CPA3: variants seen among roughly 807,000 people sequenced by gnomAD.
CPA3 encodes carboxypeptidase A3.
Under a neutral mutation model 55.8 loss-of-function variants are expected in CPA3, and 52 were observed. The observed-to-expected ratio is 0.93, with a 90% CI of 0.75 to 1.17. The LOEUF (loss-of-function observed/expected upper bound fraction) is 1.17. Ranked by LOEUF, CPA3 falls within the 50% of genes most tolerant of loss-of-function variation. The probability of loss-of-function intolerance (pLI) is 0.00; values close to 1 mark genes in which losing one functional copy is unlikely to be tolerated. For synonymous variants in CPA3, 179 were observed against 171.2 expected, an observed-to-expected ratio of 1.05 and a Z score of -0.36; for missense variants, 547 against 509.1, an observed-to-expected ratio of 1.07 and a Z score of -0.72.
At chr3:148,871,163 A>T (rs1055086208) in intron 3 of CPA3, among the ~76,000 whole-genome samples, 3 of 152,076 alleles carry the variant, frequency 2.0e-5, no homozygotes, top group Admixed American at 6.6e-5. Flanking sequence ...TAGCCACCGC[A>T]CCAGGCCTAC....
Position 148,872,145 on chromosome 3 carries a change from C to T in CPA3, c.269+3106C>T, listed in dbSNP as rs577452264. On this transcript the variant is annotated intron_variant, in intron 3 of 10. Transcript: ENST00000296046. Reference sequence around the variant, plus strand: ...CCAGATTTTATTTTAAAGTAGCATACTTGTTTCTTTTTTTACTTATTTACA... The same window carrying T: ...CCAGATTTTATTTTAAAGTAGCATATTTGTTTCTTTTTTTACTTATTTACA... Among the ~76,000 whole-genome samples the T allele has an allele frequency of 1.4e-4, 21 of 152,184 alleles. No homozygotes were observed. In the South Asian group the frequency reaches 2.9e-3, roughly 21 times the overall value.
chr3:148,878,573 TAA>T (rs775116134), intron 4 of CPA3, 30 bp downstream of exon 4: 6 of 1,566,774 alleles, frequency 3.8e-6, no homozygotes, highest in African/African-American at 1.4e-5. Context: ...TACTTTTTTT[TAA>T]GTTACCCTTA....
rs546315407 is a variant in CPA3, at chr3:148,865,644, T to G, written c.144+96T>G. The G allele has an allele frequency of 1.1e-5, 12 of 1,067,934 alleles. No homozygotes were observed. The South Asian group carries it at 1.8e-4, about 16-fold the overall frequency. The allele number at this position is 1,067,934 out of a possible 1,614,324, so 66.2% of individuals were successfully genotyped here. Reference sequence around the variant, plus strand: ...CAATGCCCATGGGACTACAAAAGACTATTGAACATAAGGGGAAAGCAGGAG... The same window carrying G: ...CAATGCCCATGGGACTACAAAAGACGATTGAACATAAGGGGAAAGCAGGAG... On this transcript the variant is annotated intron_variant, in intron 2 of 10. Transcript: ENST00000296046.
intron 3 of CPA3, chr3:148,870,070 G>T (rs1198778142): frequency 6.9e-6 from 1 of 144,680 alleles, no homozygotes. Context: ...TCCAGCATGG[G>T]TGACAGAGCA....
At chr3:148,880,361 T>G (rs1714330163) in intron 6 of CPA3, among the ~76,000 whole-genome samples, 1 of 149,850 alleles carries the variant, frequency 6.7e-6, no homozygotes, top group Non-Finnish European at 1.5e-5. Flanking sequence ...AGATGGAGTC[T>G]CACTCTGTCA....
Position 148,886,151 on chromosome 3 carries a change from T to C in CPA3, c.1040T>C (p.Ile347Thr), listed in dbSNP as rs1274939412. The change falls in exon 10 of 11, where the codon ATC (isoleucine) becomes ACC (threonine). Residue 347 changes from isoleucine to threonine, a missense_variant. Transcript: ENST00000296046. The stretch of plus-strand genomic sequence containing the variant: ...TCAACTCGATATGAAACCCGCTACA[T>C]CTATGGCCCAATAGAATCAACAATT... ...VLSTRYETRY[I>T]YGPIESTIYP... 6.2e-7 allele frequency: 1 copy of C among 1,612,808 alleles called. No homozygotes were observed. Among genetic ancestry groups the C allele is most frequent in the East Asian group, 2.2e-5 (1 of 44,834 alleles).
chr3:148,888,977 C>A (rs976579683), intron 10 of CPA3, among the ~76,000 whole-genome samples: 1 of 152,176 alleles, frequency 6.6e-6, no homozygotes, highest in Non-Finnish European at 1.5e-5. Context: ...TAGCTCCATG[C>A]CATCATGTGT....
Position 148,878,469 on chromosome 3 carries a change from A to G in CPA3, c.298A>G (p.Ile100Val). 6.2e-7 allele frequency: 1 copy of G among 1,612,664 alleles called. No individual in the cohort carries two copies. Among genetic ancestry groups the G allele is most frequent in the Non-Finnish European group, 8.5e-7 (1 of 1,178,734 alleles). Reference protein sequence around the residue: ...EILIHDLQEEIEKQFDVKEDI... With the variant: ...EILIHDLQEEVEKQFDVKEDI... ...CTTGATTCATGATCTACAAGAAGAG[A>G]TTGAGAAACAGTTTGATGTTAAAGA... The change falls in exon 4 of 11, where the codon ATT (isoleucine) becomes GTT (valine). Residue 100 changes from isoleucine (I) to valine (V), a missense_variant. Transcript: ENST00000296046.
chr3:148,884,919 A>C (rs981615211), intron 9 of CPA3, among the ~76,000 whole-genome samples: 2 of 152,160 alleles, frequency 1.3e-5, no homozygotes, highest in Admixed American at 6.5e-5. Flanking sequence ...TAGCAACTAA[A>C]TTGATTAAGA....
At chr3:148,875,921 G>T (rs1714188494) in intron 3 of CPA3, among the ~76,000 whole-genome samples, 1 of 152,032 alleles carries the variant, frequency 6.6e-6, no homozygotes, top group Non-Finnish European at 1.5e-5. Context: ...AAAAAAGAAT[G>T]CCGTCTATGG....
chr3:148,879,753 G>T, intron 5 of CPA3, 35 bp from the exon 6 acceptor site: 1 of 1,425,456 alleles, frequency 7.0e-7, no homozygotes, highest in Non-Finnish European at 9.9e-7. Flanking sequence ...GTGTGAGTTT[G>T]TTCAAAACAA....
intron 6 of CPA3, 200 bp from the exon 7 acceptor site, chr3:148,881,322 T>C: frequency 2.3e-6 from 1 of 444,028 alleles, no homozygotes; most frequent in African/African-American, 2.0e-5. Flanking sequence ...TCATTTCCAT[T>C]AATGTCACTA....
chr3:148,896,384 C>G, intron 10 of CPA3, 136 bp from the exon 11 acceptor site: 1 of 642,820 alleles, frequency 1.6e-6, no homozygotes, highest in Non-Finnish European at 2.5e-6. Context: ...ACTATTCAGA[C>G]CACTACTCTC....
intron 10 of CPA3, among the ~76,000 whole-genome samples, chr3:148,894,560 T>A (rs918499874): frequency 6.6e-5 from 10 of 152,090 alleles, no homozygotes; most frequent in Non-Finnish European, 1.2e-4. Flanking sequence ...ATGAATTTTT[T>A]AAATTATAAT....
chr3:148,892,513 T>C (rs1432591483), intron 10 of CPA3, among the ~76,000 whole-genome samples: 2 of 151,556 alleles, frequency 1.3e-5, no homozygotes, highest in Non-Finnish European at 2.9e-5. Flanking sequence ...ATTAGCTAGG[T>C]GTGGTGGTAC....
chr3:148,896,684 T>C lies in CPA3; in HGVS notation c.1231T>C (p.Tyr411His). 1.3e-6 allele frequency: 2 copies of C among 1,547,192 alleles called. No individual in the cohort carries two copies. Among genetic ancestry groups the C allele is most frequent in the Non-Finnish European group, 1.8e-6 (2 of 1,130,304 alleles). Residue 411 changes from tyrosine to histidine, a missense_variant, in exon 11 of 11, where the codon TAT becomes CAT. By Grantham distance (83) the Tyr-to-His change is moderately conservative (BLOSUM62 2). Coordinates refer to ENST00000296046, the MANE Select transcript of CPA3 (RefSeq NM_001870.4). ...GCTAGCTGTCAAATTTATTGCCAAG[T>C]ATATCCTCAAGCATACTTCCTAAAG... is the stretch of plus-strand genomic sequence containing the variant. Reference protein sequence around the residue: ...TMLAVKFIAKYILKHTS With the variant: ...TMLAVKFIAKHILKHTS
chr3:148,870,993 G>A (rs966449957), intron 3 of CPA3, among the ~76,000 whole-genome samples: 4 of 152,100 alleles, frequency 2.6e-5, no homozygotes, highest in African/African-American at 9.7e-5. Flanking sequence ...CCGCCTCCCG[G>A]GTTCACGCCA....
At chr3:148,881,727 T>C in intron 7 of CPA3, 95 bp downstream of exon 7, 1 of 542,062 alleles carries the variant, frequency 1.8e-6, no homozygotes. Flanking sequence ...GGTAACTAGT[T>C]AATTCTAATT....
chr3:148,886,546 T>G (rs899276871), intron 10 of CPA3, among the ~76,000 whole-genome samples: 1 of 151,454 alleles, frequency 6.6e-6, no homozygotes, highest in Non-Finnish European at 1.5e-5. Flanking sequence ...AAAAAAAAAA[T>G]TAGCCAGGCA....
Sources: gnomAD v4.1 joint callset for allele counts (sites outside exome capture counted in the v4.1 genomes callset) on GRCh38, gnomAD v4.1.1 for gene constraint, MANE v1.5 for transcripts, NCBI Gene and HGNC (gene_info 2026-07-23, HGNC 2026-07-21) for gene names.